Variants in DOP1A observed in about 807,000 individuals in gnomAD.
DOP1A encodes protein DOP1A.
In DOP1A, 90 loss-of-function variants were observed where a neutral mutation model predicts 267.6. That is an observed-to-expected ratio of 0.34 (90% CI 0.28 to 0.40). The LOEUF is 0.40. Among genes scored for constraint, DOP1A ranks in the 10% least tolerant of loss-of-function variants. The pLI is 1.00. For missense variants in DOP1A, 2,437 were observed against 2,900.4 expected, an observed-to-expected ratio of 0.84 and a Z score of 3.67; for synonymous variants, 932 against 999.1, an observed-to-expected ratio of 0.93 and a Z score of 1.27.
chr6:83,086,859 T>C (rs919526386), intron 1 of DOP1A, among the ~76,000 whole-genome samples: 1 of 152,100 alleles, frequency 6.6e-6, no homozygotes, highest in Non-Finnish European at 1.5e-5. Flanking sequence ...AAGAAATGGG[T>C]TGGCAGCCAG....
intron 37 of DOP1A, among the ~76,000 whole-genome samples, chr6:83,160,851 A>G (rs565240857): frequency 9.2e-5 from 14 of 152,136 alleles, no homozygotes; most frequent in African/African-American, 3.1e-4. Flanking sequence ...TCTCTTTTTT[A>G]TTTGGACATG....
At chr6:83,122,426 C>G (rs1198497115) in intron 11 of DOP1A, among the ~76,000 whole-genome samples, 1 of 151,842 alleles carries the variant, frequency 6.6e-6, no homozygotes, top group Non-Finnish European at 1.5e-5. Flanking sequence ...TGAAACTGGT[C>G]AAGGTAAACC....
intron 24 of DOP1A, 95 bp downstream of exon 24, chr6:83,142,141 A>G: frequency 7.0e-7 from 1 of 1,431,880 alleles, no homozygotes; most frequent in Non-Finnish European, 9.5e-7. Context: ...GCCGGGGTAG[A>G]TTCGAGTGTA....
chr6:83,086,939 C>G (rs1372115915), intron 1 of DOP1A, among the ~76,000 whole-genome samples: 1 of 149,742 alleles, frequency 6.7e-6, no homozygotes, highest in Non-Finnish European at 1.5e-5. Context: ...TAGTTTTAGA[C>G]CATGAGAGAT....
In DOP1A at chr6:83,137,583, C is replaced by T. The variant is rs764653828; in HGVS notation, c.3541C>T (p.Pro1181Ser). 1.9e-6 allele frequency: 3 copies of T among 1,613,754 alleles called. No homozygotes were observed. Among genetic ancestry groups the T allele is most frequent in the Admixed American group, 3.3e-5 (2 of 59,976 alleles). The change falls in exon 21 of 39, where the codon CCC becomes TCC. Residue 1181 changes from proline (P) to serine (S), a missense_variant. Physicochemically the swap from Pro to Ser is moderately conservative, Grantham distance 74. Coordinates refer to ENST00000349129, the MANE Select transcript of DOP1A (RefSeq NM_015018.4). The stretch of plus-strand genomic sequence containing the variant: ...ATCTCAATTAGAAATTGAAGCTATG[C>T]CCCCAAAGTGCAGTGATATAGATCC... ...VTSQLEIEAM[P>S]PKCSDIDPDE...
intron 34 of DOP1A, among the ~76,000 whole-genome samples, chr6:83,156,675 C>T (rs1163291922): frequency 1.3e-5 from 2 of 152,214 alleles, no homozygotes; most frequent in African/African-American, 4.8e-5. Context: ...TCAGCATACT[C>T]TAAAGCCTCC....
At chr6:83,133,123 T>C (rs906007711) in intron 18 of DOP1A, among the ~76,000 whole-genome samples, 3 of 152,158 alleles carry the variant, frequency 2.0e-5, no homozygotes, top group Non-Finnish European at 4.4e-5. Flanking sequence ...ATGAAAAGTT[T>C]ATTCCAAGAA....
chr6:83,084,060 C>A (rs781045618), intron 1 of DOP1A, among the ~76,000 whole-genome samples: 4 of 152,104 alleles, frequency 2.6e-5, no homozygotes, highest in Non-Finnish European at 5.9e-5. Context: ...GATCTATGGG[C>A]TTTTAAACCT....
At chr6:83,091,693 G>T (rs565081540) in intron 1 of DOP1A, among the ~76,000 whole-genome samples, 157 of 152,210 alleles carry the variant, frequency 1.0e-3, no homozygotes, top group Non-Finnish European at 1.9e-3. Context: ...TTCATTAATA[G>T]AAATTACTAC....
At chr6:83,123,204 A>G (rs2128221322) in intron 12 of DOP1A, among the ~76,000 whole-genome samples, 1 of 152,188 alleles carries the variant, frequency 6.6e-6, no homozygotes, top group South Asian at 2.1e-4. Context: ...AGTTATTCAT[A>G]CACCAGAGTA....
At chr6:83,105,223 A>G (rs544295147) in intron 4 of DOP1A, among the ~76,000 whole-genome samples, 2 of 152,224 alleles carry the variant, frequency 1.3e-5, no homozygotes, top group East Asian at 3.9e-4. Context: ...CAGATAGTAT[A>G]CCCTTAATAA....
chr6:83,079,523 A>G (rs1182054284), intron 1 of DOP1A, among the ~76,000 whole-genome samples: 4 of 152,166 alleles, frequency 2.6e-5, no homozygotes, highest in African/African-American at 9.6e-5. Context: ...TGTTATGTTA[A>G]CTTATGTAAA....
rs1172282329 is a variant in DOP1A, at chr6:83,159,973, A to C, written c.6962+13A>C. On this transcript the variant is annotated intron_variant, in intron 37 of 38. Transcript: ENST00000349129. ...CTCAGTTTCAGATGTAAGTAAAAGC[A>C]AGGATATTAAATGGTTATTTTTGAA... The C allele has an allele frequency of 4.3e-6, 7 of 1,613,146 alleles. No individual in the cohort carries two copies. The African/African-American group carries it at 9.3e-5, about 22-fold the overall frequency.
chr6:83,169,848 G>C, downstream of DOP1A: 1 of 456,484 alleles, frequency 2.2e-6, no homozygotes, highest in Non-Finnish European at 4.4e-6. Flanking sequence ...ACCCCTGTCA[G>C]GGAAACAGGC....
intron 17 of DOP1A, 113 bp downstream of exon 17, chr6:83,130,510 C>A: frequency 1.6e-6 from 2 of 1,283,470 alleles, no homozygotes; most frequent in Non-Finnish European, 2.1e-6. Flanking sequence ...CATTTAAACA[C>A]CTCTTAATAG....
intron 37 of DOP1A, among the ~76,000 whole-genome samples, chr6:83,160,754 A>G (rs1047097266): frequency 1.3e-5 from 2 of 152,182 alleles, no homozygotes; most frequent in African/African-American, 4.8e-5. Context: ...TATCCACAAG[A>G]TCAAATATGT....
At chr6:83,120,057 C>CT (rs1024997782) in intron 9 of DOP1A, among the ~76,000 whole-genome samples, 200 bp downstream of exon 9, 2 of 151,818 alleles carry the variant, frequency 1.3e-5, no homozygotes, top group Admixed American at 6.6e-5. Context: ...AGACAAAAGA[C>CT]TTTTTTTCTC....
intron 1 of DOP1A, among the ~76,000 whole-genome samples, chr6:83,091,449 C>A (rs1770387015): frequency 6.6e-6 from 1 of 151,936 alleles, no homozygotes; most frequent in African/African-American, 2.4e-5. Context: ...TATATGAAGT[C>A]TTTTTAATCA....
rs184096038 is a variant in DOP1A, at chr6:83,134,090, C to T, written c.2770-97C>T. 3,606 of 877,692 alleles carry T rather than the reference C, an allele frequency of 4.1e-3. 9 individuals are homozygous for T. Among genetic ancestry groups the T allele is most frequent in the Non-Finnish European group, 5.4e-3 (3,142 of 585,846 alleles). The allele number at this position is 877,692 out of a possible 1,614,324, so 54.4% of individuals were successfully genotyped here. On this transcript the variant is annotated intron_variant, in intron 18 of 38. Coordinates refer to ENST00000349129, the MANE Select transcript of DOP1A (RefSeq NM_015018.4). ...GTGTTTGAATATTGTGGACGTTGAA[C>T]GTAATACAGTACTCCTAAATAGTAC...
Sources: gnomAD v4.1 joint callset for allele counts (sites outside exome capture counted in the v4.1 genomes callset) on GRCh38, gnomAD v4.1.1 for gene constraint, MANE v1.5 for transcripts, NCBI Gene and HGNC (gene_info 2026-07-23, HGNC 2026-07-21) for gene names.